Variants in PLEKHG1 observed in about 807,000 individuals in gnomAD.
The protein encoded by PLEKHG1 is pleckstrin homology and RhoGEF domain containing G1, also known as pleckstrin homology domain-containing family G member 1.
PLEKHG1 carries 44 observed loss-of-function variants against 100.8 expected under a neutral mutation model. That is an observed-to-expected ratio of 0.44 (90% confidence interval 0.34 to 0.56). PLEKHG1 has a LOEUF of 0.56. Among genes scored for constraint, PLEKHG1 ranks in the 20% least tolerant of loss-of-function variants. The probability of loss-of-function intolerance (pLI) is 0.01; values close to 1 mark genes in which losing one functional copy is unlikely to be tolerated. For missense variants in PLEKHG1, 1,545 were observed against 1,720.9 expected (o/e 0.90, Z 1.81); for synonymous variants, 640 against 662.5 (o/e 0.97, Z 0.52).
At chr6:150,611,484 C>T (rs1776824966) in intron 1 of PLEKHG1, among the ~76,000 whole-genome samples, 1 of 152,182 alleles carries the variant, frequency 6.6e-6, no homozygotes, top group Non-Finnish European at 1.5e-5. Context: ...GGGATGGATT[C>T]TGATGGCTTA....
At chr6:150,770,417 T>A (rs567366448) in intron 3 of PLEKHG1, among the ~76,000 whole-genome samples, 1 of 152,322 alleles carries the variant, frequency 6.6e-6, no homozygotes, top group East Asian at 1.9e-4. Flanking sequence ...CAACAGAACT[T>A]TTTTCATTTG....
chr6:150,713,088 C>T (rs1471916398), intron 3 of PLEKHG1, among the ~76,000 whole-genome samples: 1 of 152,120 alleles, frequency 6.6e-6, no homozygotes, highest in Admixed American at 6.5e-5. Context: ...ATCAGTAGGT[C>T]CTGGTACATG....
At chr6:150,718,579 C>G (rs1781530268), upstream of PLEKHG1, among the ~76,000 whole-genome samples, 1 of 151,138 alleles carries the variant, frequency 6.6e-6, no homozygotes, top group Non-Finnish European at 1.5e-5. Flanking sequence ...AAGTGATTCT[C>G]CTGCCTCAGC....
At chr6:150,775,546 C>T (rs1476453433) in intron 3 of PLEKHG1, among the ~76,000 whole-genome samples, 1 of 152,142 alleles carries the variant, frequency 6.6e-6, no homozygotes, top group Non-Finnish European at 1.5e-5. Context: ...ATGAATGACA[C>T]CATTGTACAA....
intron 3 of PLEKHG1, among the ~76,000 whole-genome samples, chr6:150,697,262 G>A (rs10872666): frequency 0.74 from 111,959 of 151,924 alleles, 42,854 homozygotes; most frequent in Non-Finnish European, 0.85. Context: ...TTAAGAAGGT[G>A]GATAAAATGG....
chr6:150,765,962 C>T (rs960329079), intron 2 of PLEKHG1, among the ~76,000 whole-genome samples: 12 of 152,152 alleles, frequency 7.9e-5, no homozygotes, highest in Admixed American at 4.6e-4. Context: ...AGGACCAAGT[C>T]AGATCTACTT....
At chr6:150,830,486 G>A in intron 14 of PLEKHG1, 96 bp from the exon 16 acceptor site, 1 of 840,686 alleles carries the variant, frequency 1.2e-6, no homozygotes. Flanking sequence ...TTAAAGCCTA[G>A]TGGGGGAGGC....
chr6:150,765,163 C>A (rs1273634021), intron 2 of PLEKHG1, among the ~76,000 whole-genome samples: 3 of 151,946 alleles, frequency 2.0e-5, no homozygotes, highest in Non-Finnish European at 4.4e-5. Flanking sequence ...AGACTACTTT[C>A]TAGAAAGGGT....
At chr6:150,652,298 T>C (rs531284864) in intron 3 of PLEKHG1, among the ~76,000 whole-genome samples, 22 of 152,328 alleles carry the variant, frequency 1.4e-4, no homozygotes, top group Admixed American at 3.9e-4. Flanking sequence ...TATGAACTAT[T>C]TGTCAAGGCC....
chr6:150,613,692 G>A (rs749751471), intron 1 of PLEKHG1, among the ~76,000 whole-genome samples: 6 of 152,096 alleles, frequency 3.9e-5, no homozygotes, highest in Non-Finnish European at 8.8e-5. Flanking sequence ...CTCAGAGTCC[G>A]CTCTCCAGCA....
rs1780014994 is a variant in PLEKHG1, at chr6:150,683,814, A to G, written c.-99+33028A>G. ...GAGGCAGGAAACTGCTGCCTGGACA[A>G]ATCGTGTTCTGGGCCAAAGCATCAC... On this transcript the variant is annotated intron_variant, in intron 3 of 3. Coordinates refer to the PLEKHG1 transcript ENST00000367326. This position sits in a 1 kb window ranked among gnomAD's most constrained non-coding sequence, Gnocchi z 4.0. 1.6e-5 allele frequency: 20 copies of G among 1,288,790 alleles called. No individual in the cohort carries two copies. The highest frequency in any genetic ancestry group is 2.0e-5 in the Non-Finnish European group (20 of 988,644). 79.8% of individuals were successfully genotyped at this position (1,288,790 alleles called of 1,614,324 possible).
At chr6:150,737,438 C>T (rs998134465) in intron 2 of PLEKHG1, among the ~76,000 whole-genome samples, 3 of 151,586 alleles carry the variant, frequency 2.0e-5, no homozygotes. Context: ...ACTATAGGCG[C>T]CCGCCACCGC....
chr6:150,834,631 C>T (rs573119099), intron 15 of PLEKHG1, among the ~76,000 whole-genome samples: 17 of 152,282 alleles, frequency 1.1e-4, no homozygotes, highest in African/African-American at 3.1e-4. Flanking sequence ...TAAATGATTT[C>T]ACATTGGGGT....
intron 2 of PLEKHG1, among the ~76,000 whole-genome samples, chr6:150,747,523 A>G (rs1264079227): frequency 2.6e-5 from 4 of 152,184 alleles, no homozygotes; most frequent in South Asian, 2.1e-4. Context: ...GGGAATGGCA[A>G]TTGTTCTAGA....
intron 1 of PLEKHG1, among the ~76,000 whole-genome samples, chr6:150,611,772 A>G (rs1776838372): frequency 6.6e-6 from 1 of 150,394 alleles, no homozygotes; most frequent in African/African-American, 2.4e-5. Flanking sequence ...AAATTGCACC[A>G]CTGCACTCCA....
At chr6:150,615,250 A>G (rs993745272) in intron 1 of PLEKHG1, among the ~76,000 whole-genome samples, 2 of 152,148 alleles carry the variant, frequency 1.3e-5, no homozygotes, top group Non-Finnish European at 2.9e-5. Context: ...TCTGAGGCAG[A>G]TTATCCGGTA....
Position 150,831,430 on chromosome 6 carries a change from C to T in PLEKHG1, c.2319C>T (p.Ala773=), listed in dbSNP as rs1037150822. 11 of 1,613,990 alleles carry T rather than the reference C, an allele frequency of 6.8e-6. No individual in the cohort carries two copies. Among genetic ancestry groups the T allele is most frequent in the African/African-American group, 4.0e-5 (3 of 74,916 alleles). The stretch of plus-strand genomic sequence containing the variant: ...GGAGCACCTTTTTGGGTCTGGAGGC[C>T]GACTTCGTGTGCTGTGACAGCCTGA... The change falls in exon 15 of 16, where the codon GCC becomes GCT. Residue 773 remains alanine, a synonymous_variant. Transcript: ENST00000358517. This position sits in a 1 kb window ranked among gnomAD's most constrained non-coding sequence, Gnocchi z 4.1.
At chr6:150,640,384 C>T (rs1013925606) in intron 2 of PLEKHG1, among the ~76,000 whole-genome samples, 4 of 152,216 alleles carry the variant, frequency 2.6e-5, no homozygotes, top group Non-Finnish European at 5.9e-5. Context: ...CCTGCCACCA[C>T]ATCTACCAAG....
In PLEKHG1 at chr6:150,797,560, TACAG is replaced by T. The variant is rs540408297; in HGVS notation, c.629+1660_629+1663del. Among the ~76,000 whole-genome samples the T allele has an allele frequency of 8.3e-3, 1,254 of 150,360 alleles. 9 individuals are homozygous for T. Among genetic ancestry groups the T allele is most frequent in the Non-Finnish European group, 0.012 (822 of 67,624 alleles). ...CTTAAAGACCCAAGAAGCGGCTGGA[TACAG>T]AGACTTATGCCTGTAATCCTAGCAC... On this transcript the variant is annotated intron_variant, in intron 5 of 15. Coordinates refer to ENST00000358517, the Ensembl canonical transcript of PLEKHG1.
Sources: allele counts gnomAD v4.1 joint callset (sites outside exome capture counted in the v4.1 genomes callset), GRCh38; gene constraint gnomAD v4.1.1; non-coding constraint Gnocchi (gnomAD v3.1); transcripts MANE v1.5; gene names NCBI Gene and HGNC (gene_info 2026-07-23, HGNC 2026-07-21).